CUX2: variants seen among roughly 807,000 people sequenced by gnomAD.
CUX2 encodes cut like homeobox 2, also known as homeobox protein cut-like 2.
A neutral mutation model predicts 144.8 loss-of-function variants in CUX2; 40 were observed. The observed-to-expected ratio is 0.28, with a 90% confidence interval of 0.21 to 0.36. The LOEUF is 0.36. CUX2 is among the 10% of genes least tolerant of loss of function. The probability of loss-of-function intolerance (pLI) is 1.00; values close to 1 mark genes in which losing one functional copy is unlikely to be tolerated. For missense variants in CUX2, 1,615 were observed against 1,994.0 expected, an observed-to-expected ratio of 0.81 and a Z score of 3.62; for synonymous variants, 827 against 875.6, an observed-to-expected ratio of 0.94 and a Z score of 0.98.
chr12:111,163,631 A>G (rs1172316005), intron 1 of CUX2, among the ~76,000 whole-genome samples: 2 of 152,224 alleles, frequency 1.3e-5, no homozygotes, highest in African/African-American at 2.4e-5. Flanking sequence ...GGATCCAGCC[A>G]TACCTGAAAC....
At position 111,322,397 on chromosome 12, in the gene CUX2, A is replaced by AC. The variant is rs905974632; in HGVS notation, c.2767-18dup. 6.5e-6 allele frequency: 10 copies of AC among 1,532,366 alleles called. No homozygotes were observed. The highest frequency in any genetic ancestry group is 2.5e-5 in the East Asian group (1 of 40,330). 94.9% of individuals were successfully genotyped at this position (1,532,366 alleles called of 1,614,324 possible). On this transcript the variant is annotated intron_variant, in intron 17 of 21. Coordinates refer to ENST00000261726, the MANE Select transcript of CUX2 (RefSeq NM_015267.4). The surrounding 1 kb of genome is among the most constrained non-coding windows in gnomAD (Gnocchi z 4.2). ...CCATGTCCCAGGGGCCTGCTGACCTACCCCCCTGGCCCGCCCCTCGCAGGT... is the reference window on the plus strand; with the variant it reads ...CCATGTCCCAGGGGCCTGCTGACCTACCCCCCCTGGCCCGCCCCTCGCAGGT...
chr12:111,180,723 C>T (rs1592809652), intron 1 of CUX2, among the ~76,000 whole-genome samples: 1 of 152,224 alleles, frequency 6.6e-6, no homozygotes, highest in African/African-American at 2.4e-5. Context: ...GTGGTGGCCC[C>T]ATGCCTGGGT....
intron 3 of CUX2, among the ~76,000 whole-genome samples, chr12:111,240,398 C>T (rs1296377458): frequency 6.6e-6 from 1 of 152,186 alleles, no homozygotes; most frequent in Non-Finnish European, 1.5e-5. Flanking sequence ...TGGAAGGTAC[C>T]CCCTGACAGC....
chr12:111,155,923 TAAAAAA>T (rs61020614), intron 1 of CUX2, among the ~76,000 whole-genome samples: 1 of 144,528 alleles, frequency 6.9e-6, no homozygotes, highest in African/African-American at 2.5e-5. Flanking sequence ...GCTTAAAAAA[TAAAAAA>T]AAAAAATAAA....
At chr12:111,260,159 CA>C (rs1884039942) in intron 3 of CUX2, among the ~76,000 whole-genome samples, 2 of 149,138 alleles carry the variant, frequency 1.3e-5, no homozygotes, top group Non-Finnish European at 1.5e-5. Flanking sequence ...CGAGACTGTC[CA>C]AAAAAAATTT....
In CUX2 at chr12:111,304,650, G is replaced by A. The variant is rs551419344; in HGVS notation, c.858+336G>A. On this transcript the variant is annotated intron_variant, in intron 10 of 21. Transcript: ENST00000261726. The surrounding 1 kb of genome is among the most constrained non-coding windows in gnomAD (Gnocchi z 4.7). Reference sequence around the variant, plus strand: ...ATGCCAGGAACTTCCTCAGACCAAAGATCATTCTGATTTCCAGATGCACCA... The same window carrying A: ...ATGCCAGGAACTTCCTCAGACCAAAAATCATTCTGATTTCCAGATGCACCA... Among the ~76,000 whole-genome samples the A allele has an allele frequency of 6.6e-6, 1 of 152,298 alleles. No homozygotes were observed. The highest frequency in any genetic ancestry group is 1.9e-4 in the East Asian group (1 of 5,184).
rs1223663445 is a variant in CUX2, at chr12:111,308,497, T to G, written c.1229T>G (p.Leu410Arg). ...TTCTTCCCCACGCAGAAATTCCTTC[T>G]GGAGAAGCCCAGCCTCCTGGCCAGC... ...EAFFPTQKFL[L>R]EKPSLLASPE... The change falls in exon 14 of 22, where the codon CTG becomes CGG. Residue 410 changes from leucine to arginine, a missense_variant. Transcript: ENST00000261726. 1.8e-5 allele frequency: 29 copies of G among 1,613,766 alleles called. No individual in the cohort carries two copies. The highest frequency in any genetic ancestry group is 2.5e-5 in the Non-Finnish European group (29 of 1,179,862).
intron 21 of CUX2, among the ~76,000 whole-genome samples, chr12:111,345,223 G>A (rs1357860116): frequency 6.6e-6 from 1 of 151,668 alleles, no homozygotes; most frequent in Non-Finnish European, 1.5e-5. Context: ...GCCAAGGCAG[G>A]CAGATCACGA....
intron 1 of CUX2, among the ~76,000 whole-genome samples, chr12:111,156,985 CAAAAAAAA>C (rs1200398908): frequency 2.0e-3 from 38 of 18,992 alleles, no homozygotes; most frequent in South Asian, 0.013. Context: ...AAACTTCTCT[CAAAAAAAA>C]AAAAAAAAAA....
At position 111,212,968 on chromosome 12, in the gene CUX2, G is replaced by A. The variant is rs547934229; in HGVS notation, c.64-1232G>A. ...TAATGGCAAAAGTGTTTCATTGTGT[G>A]TGCAAGAGGAATGTGTATTAGTGAT... On this transcript the variant is annotated intron_variant, in intron 1 of 21. Transcript: ENST00000261726. Among the ~76,000 whole-genome samples the A allele has an allele frequency of 5.9e-5, 9 of 152,338 alleles. No homozygotes were observed. In the South Asian group the frequency reaches 1.9e-3, roughly 32 times the overall value.
At chr12:111,225,310 A>G (rs1882076839) in intron 3 of CUX2, among the ~76,000 whole-genome samples, 1 of 152,194 alleles carries the variant, frequency 6.6e-6, no homozygotes, top group African/African-American at 2.4e-5. Context: ...CATGAGCCCC[A>G]TGATGAAGTT....
intron 3 of CUX2, among the ~76,000 whole-genome samples, chr12:111,231,382 C>A (rs1423899428): frequency 2.0e-5 from 3 of 152,196 alleles, no homozygotes; most frequent in Non-Finnish European, 4.4e-5. Flanking sequence ...TTATGTTTAA[C>A]AAAATTTGTT....
chr12:111,202,938 A>G (rs1880685161), intron 1 of CUX2, among the ~76,000 whole-genome samples: 1 of 152,134 alleles, frequency 6.6e-6, no homozygotes, highest in African/African-American at 2.4e-5. Flanking sequence ...AGTGTGTTCA[A>G]GAATCAATAA....
At chr12:111,125,133 G>A (rs1004156438) in intron 1 of CUX2, among the ~76,000 whole-genome samples, 2 of 151,972 alleles carry the variant, frequency 1.3e-5, no homozygotes, top group African/African-American at 4.8e-5. Context: ...TCAGCCCCTA[G>A]GAGCCACCAG....
In CUX2 at chr12:111,320,347, G is replaced by A. The variant is rs754295378; in HGVS notation, c.2338G>A (p.Gly780Ser). 1.9e-6 allele frequency: 3 copies of A among 1,598,130 alleles called. 1 individual carries two copies. The highest frequency in any genetic ancestry group is 3.3e-4 in the Middle Eastern group (2 of 6,054). ...SIIRKVKSEIGDAGYFDHHWA... is the reference protein window; with the variant it reads ...SIIRKVKSEISDAGYFDHHWA... Reference sequence around the variant, plus strand: ...CATCCGCAAGGTCAAGTCCGAGATCGGCGACGCCGGCTACTTCGACCACCA... The same window carrying A: ...CATCCGCAAGGTCAAGTCCGAGATCAGCGACGCCGGCTACTTCGACCACCA... The change falls in exon 17 of 22, where the codon GGC (glycine) becomes AGC (serine). Residue 780 changes from glycine to serine, a missense_variant. Gly to Ser is a moderately conservative substitution (Grantham distance 56). Transcript: ENST00000261726. The surrounding 1 kb of genome is among the most constrained non-coding windows in gnomAD (Gnocchi z 8.1).
At chr12:111,056,759 A>ATAT (rs763178021) in intron 1 of CUX2, among the ~76,000 whole-genome samples, 4 of 152,178 alleles carry the variant, frequency 2.6e-5, no homozygotes, top group Non-Finnish European at 5.9e-5. Context: ...GTGGCGAGGG[A>ATAT]TATTATGGCA....
intron 1 of CUX2, among the ~76,000 whole-genome samples, chr12:111,139,004 T>C (rs1356428888): frequency 6.8e-6 from 1 of 147,748 alleles, no homozygotes; most frequent in Non-Finnish European, 1.5e-5. Flanking sequence ...AATAAGTCAC[T>C]AGCCCCCAGA....
chr12:111,211,937 G>C (rs997732789), intron 1 of CUX2, among the ~76,000 whole-genome samples: 3 of 151,876 alleles, frequency 2.0e-5, no homozygotes, highest in Non-Finnish European at 4.4e-5. Flanking sequence ...ATAGAGAGCT[G>C]TAAACCCATG....
intron 4 of CUX2, among the ~76,000 whole-genome samples, chr12:111,269,753 A>G (rs1490049349): frequency 6.6e-6 from 1 of 152,060 alleles, no homozygotes; most frequent in Non-Finnish European, 1.5e-5. Flanking sequence ...AGGTCCCAAG[A>G]TTGCTGTGGA....
Sources: gnomAD v4.1 joint callset for allele counts (sites outside exome capture counted in the v4.1 genomes callset) on GRCh38, gnomAD v4.1.1 for gene constraint, Gnocchi (gnomAD v3.1) non-coding constraint, MANE v1.5 for transcripts, NCBI Gene and HGNC (gene_info 2026-07-23, HGNC 2026-07-21) for gene names.